The following ABCC4 variants were observed in gnomAD, a reference collection of about 807,000 sequenced individuals.
The protein encoded by ABCC4 is ATP binding cassette subfamily C member 4 (PEL blood group), also known as ATP-binding cassette sub-family C member 4.
ABCC4 carries 102 observed loss-of-function variants against 168.5 expected under a neutral mutation model. That is an observed-to-expected ratio of 0.61 (90% CI 0.52 to 0.71). ABCC4 has a LOEUF of 0.71. Among genes scored for constraint, ABCC4 ranks in the 30% least tolerant of loss-of-function variants. The pLI is 0.00. For synonymous variants in ABCC4, 617 were observed against 590.7 expected, an observed-to-expected ratio of 1.04 and a Z score of -0.65; for missense variants, 1,402 against 1,605.8, an observed-to-expected ratio of 0.87 and a Z score of 2.17.
intron 1 of ABCC4, among the ~76,000 whole-genome samples, chr13:95,300,682 T>C (rs2041652219): frequency 6.6e-6 from 1 of 151,738 alleles, no homozygotes; most frequent in Admixed American, 6.6e-5. Flanking sequence ...GTAAGGAATA[T>C]CGGAAGGGGT....
chr13:95,108,715 C>T (rs2035096487), intron 20 of ABCC4, among the ~76,000 whole-genome samples: 1 of 151,116 alleles, frequency 6.6e-6, no homozygotes, highest in Non-Finnish European at 1.5e-5. Flanking sequence ...AATTTTGGCT[C>T]ACTACAACCC....
intron 9 of ABCC4, among the ~76,000 whole-genome samples, chr13:95,189,858 A>G (rs1389796813): frequency 1.3e-5 from 2 of 152,208 alleles, no homozygotes; most frequent in African/African-American, 4.8e-5. Flanking sequence ...TACTATAAAC[A>G]CTGAGGTACC....
chr13:95,028,920 C>A (rs1430717192), intron 30 of ABCC4, among the ~76,000 whole-genome samples: 3 of 151,906 alleles, frequency 2.0e-5, no homozygotes, highest in Non-Finnish European at 4.4e-5. Flanking sequence ...AATCCCAGCA[C>A]TTTGGGAGGC....
Position 95,292,873 on chromosome 13 carries a change from G to T in ABCC4, c.74+8368C>A, listed in dbSNP as rs746088905. Among the ~76,000 whole-genome samples, 85 of 152,154 alleles carry T rather than the reference G, an allele frequency of 5.6e-4. 1 individual carries two copies. Among genetic ancestry groups the T allele is most frequent in the Non-Finnish European group, 2.2e-4 (15 of 68,030 alleles). ...AATGGAACAAGGAGCTACGTCGCAG[G>T]CCACAAAAGGGCTGTAAGTACTCAT... On this transcript the variant is annotated intron_variant, in intron 1 of 30. Coordinates refer to ENST00000645237, the MANE Select transcript of ABCC4 (RefSeq NM_005845.5).
chr13:95,274,389 A>C (rs1337635864), intron 1 of ABCC4, among the ~76,000 whole-genome samples: 1 of 152,028 alleles, frequency 6.6e-6, no homozygotes, highest in Non-Finnish European at 1.5e-5. Flanking sequence ...AAACCAACCA[A>C]CCCAGAGCTA....
intron 19 of ABCC4, 64 bp from the exon 20 acceptor site, chr13:95,116,065 C>A: frequency 8.2e-7 from 1 of 1,219,430 alleles, no homozygotes; most frequent in Non-Finnish European, 1.2e-6. Context: ...AGAAACAATT[C>A]GCAAACAAAT....
intron 1 of ABCC4, among the ~76,000 whole-genome samples, chr13:95,256,180 C>T (rs2040386651): frequency 6.6e-6 from 1 of 152,162 alleles, no homozygotes; most frequent in Admixed American, 6.5e-5. Flanking sequence ...AACTCCTGGG[C>T]TCAAGCAACC....
Position 95,188,560 on chromosome 13 carries a change from T to C in ABCC4, c.1264-18A>G, listed in dbSNP as rs1279379280. 1 of 1,585,408 alleles carries C rather than the reference T, an allele frequency of 6.3e-7. No individual in the cohort carries two copies. The highest frequency in any genetic ancestry group is 1.3e-5 in the African/African-American group (1 of 74,238). On this transcript the variant is annotated intron_variant, in intron 9 of 30. Transcript: ENST00000645237. ...TCTGATGCCTACAAATTAAAGTTTA[T>C]AAAATGTGCCCATTTCAATAAAGTC...
intron 19 of ABCC4, among the ~76,000 whole-genome samples, chr13:95,155,588 GTTTT>G (rs1192356101): frequency 1.3e-5 from 2 of 151,940 alleles, no homozygotes; most frequent in Non-Finnish European, 2.9e-5. Flanking sequence ...TATGAATCTG[GTTTT>G]TTTGTTACAC....
intron 3 of ABCC4, among the ~76,000 whole-genome samples, chr13:95,244,278 C>T (rs1300521247): frequency 6.6e-6 from 1 of 151,978 alleles, no homozygotes; most frequent in Non-Finnish European, 1.5e-5. Flanking sequence ...CACCCAGTGT[C>T]CTCTTCCCAA....
chr13:95,083,802 C>T (rs951028966), intron 20 of ABCC4, among the ~76,000 whole-genome samples: 4 of 152,200 alleles, frequency 2.6e-5, no homozygotes, highest in South Asian at 2.1e-4. Flanking sequence ...GAATTATGAG[C>T]GTGAGCCACC....
chr13:95,021,385 A>G lies in ABCC4; in HGVS notation c.*190T>C. ...TGGATTTTAAAAAACAACTATTGAC[A>G]TTTAAATAAAAATAAACCATTTTGT... On this transcript the variant is annotated 3_prime_UTR_variant, in exon 31 of 31. Transcript: ENST00000645237. 3.8e-6 allele frequency: 2 copies of G among 529,532 alleles called. No homozygotes were observed. The highest frequency in any genetic ancestry group is 6.7e-6 in the Non-Finnish European group (2 of 300,530). 32.8% of individuals were successfully genotyped at this position (529,532 alleles called of 1,614,324 possible).
chr13:95,042,084 C>T (rs1037795684), intron 29 of ABCC4, among the ~76,000 whole-genome samples: 1 of 152,138 alleles, frequency 6.6e-6, no homozygotes, highest in African/African-American at 2.4e-5. Flanking sequence ...GATGGAGACA[C>T]TAATGGAGTT....
chr13:95,199,329 G>A (rs1224413558), intron 8 of ABCC4, among the ~76,000 whole-genome samples: 1 of 152,102 alleles, frequency 6.6e-6, no homozygotes, highest in African/African-American at 2.4e-5. Context: ...GAGAGGCAAG[G>A]AAGAAAGTGA....
chr13:95,129,500 AG>A (rs2035889340), intron 19 of ABCC4, among the ~76,000 whole-genome samples: 1 of 152,194 alleles, frequency 6.6e-6, no homozygotes, highest in Non-Finnish European at 1.5e-5. Context: ...GTACTGATTC[AG>A]GACTAAGGTT....
intron 1 of ABCC4, among the ~76,000 whole-genome samples, chr13:95,254,325 T>C (rs1288028540): frequency 1.3e-5 from 2 of 152,150 alleles, no homozygotes; most frequent in Admixed American, 6.5e-5. Context: ...TCTTTATATA[T>C]ATAAAATAGT....
chr13:95,137,521 G>C (rs1056633459), intron 19 of ABCC4, among the ~76,000 whole-genome samples: 3 of 152,106 alleles, frequency 2.0e-5, no homozygotes, highest in African/African-American at 7.2e-5. Flanking sequence ...TTAAGGGGGG[G>C]TAAAATCGTT....
intron 27 of ABCC4, among the ~76,000 whole-genome samples, chr13:95,048,909 T>C (rs2032707473): frequency 6.6e-6 from 1 of 152,218 alleles, no homozygotes; most frequent in African/African-American, 2.4e-5. Context: ...TCTTTAATCA[T>C]TACTTACGTT....
chr13:95,068,762 A>G (rs2033631759), intron 25 of ABCC4, among the ~76,000 whole-genome samples: 1 of 152,226 alleles, frequency 6.6e-6, no homozygotes, highest in African/African-American at 2.4e-5. Context: ...TCTAATGTGT[A>G]CAACAGAGGT....
Sources: allele counts gnomAD v4.1 joint callset (sites outside exome capture counted in the v4.1 genomes callset), GRCh38; gene constraint gnomAD v4.1.1; transcripts MANE v1.5; gene names NCBI Gene and HGNC (gene_info 2026-07-23, HGNC 2026-07-21).